Variants in CFAP161 observed in about 807,000 individuals in gnomAD.
CFAP161 encodes the protein cilia- and flagella-associated protein 161.
CFAP161 carries 25 observed loss-of-function variants against 29.0 expected under a neutral mutation model. The observed-to-expected ratio is 0.86, with a 90% CI of 0.63 to 1.20. CFAP161 has a LOEUF of 1.20. CFAP161 is among the 50% of genes most tolerant of loss of function. The pLI, the probability that CFAP161 is intolerant of heterozygous loss-of-function variation, is 0.00. For synonymous variants in CFAP161, 116 were observed against 137.4 expected (o/e 0.84, Z 1.09); for missense variants, 367 against 371.9 (o/e 0.99, Z 0.11).
intron 4 of CFAP161, among the ~76,000 whole-genome samples, chr15:81,142,293 T>A (rs906770288): frequency 1.3e-5 from 2 of 152,032 alleles, no homozygotes; most frequent in African/African-American, 4.8e-5. Context: ...TTTTAATTTT[T>A]AAAATTTATT....
intron 5 of CFAP161, among the ~76,000 whole-genome samples, chr15:81,145,184 C>T (rs1317642122): frequency 1.3e-5 from 2 of 152,210 alleles, no homozygotes; most frequent in Non-Finnish European, 1.5e-5. Flanking sequence ...CATGCCTGTC[C>T]CTCACCTCTG....
intron 1 of CFAP161, among the ~76,000 whole-genome samples, chr15:81,121,662 A>G (rs887343395): frequency 6.6e-6 from 1 of 152,198 alleles, no homozygotes; most frequent in Non-Finnish European, 1.5e-5. Context: ...TATTTTAGAG[A>G]TCAGAACTAT....
At chr15:81,144,784 CAAA>C (rs57014546) in intron 5 of CFAP161, among the ~76,000 whole-genome samples, 3 of 105,854 alleles carry the variant, frequency 2.8e-5, no homozygotes, top group Non-Finnish European at 2.1e-5. Context: ...GACCGTGTCT[CAAA>C]AAAAAAAAAA....
At position 81,106,723 on chromosome 15, in the gene CFAP161, C is replaced by T. The variant is rs142928194; in HGVS notation, c.-141-20867C>T. Among the ~76,000 whole-genome samples the T allele has an allele frequency of 1.0e-2, 1,518 of 152,244 alleles. 29 individuals are homozygous for T. The highest frequency in any genetic ancestry group is 0.035 in the African/African-American group (1,467 of 41,524). On this transcript the variant is annotated intron_variant, in intron 1 of 4. Coordinates refer to the CFAP161 transcript ENST00000560091. ...ACGCTCTTTCAAAGGTCAGGGAAGCCCTTGTCCTAAACATTTCTTCTGGAT... is the reference window on the plus strand; with the variant it reads ...ACGCTCTTTCAAAGGTCAGGGAAGCTCTTGTCCTAAACATTTCTTCTGGAT...
chr15:81,105,502 T>C (rs1894361897), intron 1 of CFAP161, among the ~76,000 whole-genome samples: 3 of 151,364 alleles, frequency 2.0e-5, no homozygotes. Context: ...ACTGCAGCCT[T>C]GACCTGCCAG....
rs553441832 is a variant in CFAP161, at chr15:81,140,259, A to G, written c.477+2124A>G. 7.2e-5 allele frequency among the ~76,000 whole-genome samples: 11 copies of G among 152,268 alleles called. No homozygotes were observed. The South Asian group carries it at 1.4e-3, about 20-fold the overall frequency. On this transcript the variant is annotated intron_variant, in intron 4 of 6. Coordinates refer to ENST00000286732, the MANE Select transcript of CFAP161 (RefSeq NM_173528.4). The stretch of plus-strand genomic sequence containing the variant: ...CTTCCATTGCTTTTATGTTTTTAAG[A>G]CTGCTTCAGAGATCTGATAAAAAGA...
intron 3 of CFAP161, among the ~76,000 whole-genome samples, chr15:81,137,620 T>A (rs548919714): frequency 6.6e-5 from 10 of 152,302 alleles, no homozygotes; most frequent in African/African-American, 2.4e-4. Context: ...TAATTTAGAT[T>A]TCCTTTGAAT....
chr15:81,134,603 G>A (rs962351217), intron 1 of CFAP161, among the ~76,000 whole-genome samples: 21 of 152,116 alleles, frequency 1.4e-4, no homozygotes, highest in African/African-American at 5.1e-4. Flanking sequence ...TCTACTCCGA[G>A]CACCCTGACT....
chr15:81,125,624 A>G (rs1894630669), intron 1 of CFAP161, among the ~76,000 whole-genome samples: 1 of 152,214 alleles, frequency 6.6e-6, no homozygotes, highest in Non-Finnish European at 1.5e-5. Flanking sequence ...CATGTGAACT[A>G]AAAGGTATCT....
intron 5 of CFAP161, among the ~76,000 whole-genome samples, chr15:81,146,860 A>T (rs866360236): frequency 7.5e-5 from 7 of 93,080 alleles, no homozygotes; most frequent in South Asian, 4.0e-4. Flanking sequence ...ATATATATAT[A>T]TATATATATA....
intron 1 of CFAP161, among the ~76,000 whole-genome samples, chr15:81,121,610 A>T (rs2141869233): frequency 6.6e-6 from 1 of 152,262 alleles, no homozygotes; most frequent in East Asian, 1.9e-4. Flanking sequence ...TTTAGCAAAA[A>T]CCTGGGAAGC....
At chr15:81,133,176 CATATAT>C (rs141326043), upstream of CFAP161, among the ~76,000 whole-genome samples, 185 of 60,928 alleles carry the variant, frequency 3.0e-3, 2 homozygotes, top group South Asian at 0.011. Context: ...CCTTCATCAG[CATATAT>C]ATATATATAT....
At chr15:81,115,678 C>T (rs1424447530) in intron 1 of CFAP161, among the ~76,000 whole-genome samples, 1 of 151,908 alleles carries the variant, frequency 6.6e-6, no homozygotes, top group East Asian at 1.9e-4. Flanking sequence ...AGAACCTAGG[C>T]TTTTGTTTTT....
chr15:81,142,899 C>T (rs900311875), intron 4 of CFAP161, among the ~76,000 whole-genome samples: 53 of 152,246 alleles, frequency 3.5e-4, no homozygotes, highest in African/African-American at 1.3e-3. Context: ...GACATCAATT[C>T]CAGAGGGGTG....
At chr15:81,117,941 C>T (rs1894520574) in intron 1 of CFAP161, 2 of 453,004 alleles carry the variant, frequency 4.4e-6, no homozygotes, top group South Asian at 4.7e-5. Context: ...GCTTCCTGGT[C>T]CTCTGGGTCA....
At chr15:81,109,690 T>TA (rs1894417351) in intron 1 of CFAP161, among the ~76,000 whole-genome samples, 1 of 152,272 alleles carries the variant, frequency 6.6e-6, no homozygotes, top group South Asian at 2.1e-4. Flanking sequence ...GATGACAGGG[T>TA]AAGACCTTAT....
chr15:81,139,518 G>A (rs1309699331), intron 4 of CFAP161, among the ~76,000 whole-genome samples: 4 of 151,946 alleles, frequency 2.6e-5, no homozygotes, highest in African/African-American at 9.7e-5. Context: ...ATACAGATAG[G>A]TTATTCTTTC....
chr15:81,142,126 T>A (rs11072990), intron 4 of CFAP161, among the ~76,000 whole-genome samples: 62,125 of 151,776 alleles, frequency 0.41, 16,188 homozygotes, highest in African/African-American at 0.74. Flanking sequence ...GTTCCTAGGC[T>A]CTTTTCTCCC....
At position 81,105,589 on chromosome 15, in the gene CFAP161, AG is replaced by A. The variant is rs1894363453; in HGVS notation, c.-141-21998del. Among the ~76,000 whole-genome samples, 3 of 152,134 alleles carry A rather than the reference AG, an allele frequency of 2.0e-5. No homozygotes were observed. In the South Asian group the frequency reaches 6.2e-4, roughly 32 times the overall value. ...TGGAGAGGTTGGTTGGCAGAAGTGG[AG>A]GGATAGCAACTTATCTGAGACAAAT... On this transcript the variant is annotated intron_variant, in intron 1 of 4. Transcript: ENST00000560091.
Sources: gnomAD v4.1 joint callset for allele counts (sites outside exome capture counted in the v4.1 genomes callset) on GRCh38, gnomAD v4.1.1 for gene constraint, MANE v1.5 for transcripts, NCBI Gene and HGNC (gene_info 2026-07-23, HGNC 2026-07-21) for gene names.